Variants in DNM3 observed in about 807,000 individuals in gnomAD.
DNM3 encodes the protein dynamin-3.
DNM3 carries 47 observed loss-of-function variants against 101.6 expected under a neutral mutation model. The observed-to-expected ratio is 0.46, with a 90% CI of 0.37 to 0.59. The LOEUF is 0.59. DNM3 is among the 20% of genes least tolerant of loss of function. DNM3 has a pLI of 0.00. For synonymous variants in DNM3, 385 were observed against 387.9 expected (o/e 0.99, Z 0.09); for missense variants, 849 against 1,085.7 (o/e 0.78, Z 3.06).
chr1:172,407,930 C>T lies in DNM3; in HGVS notation c.*89C>T, dbSNP rs1255743777. Reference sequence around the variant, plus strand: ...CGTTGCAGTAAATCATGAGTAGTCGCATGTGTGGACATCAGTAGGCAAGTA... The same window carrying T: ...CGTTGCAGTAAATCATGAGTAGTCGTATGTGTGGACATCAGTAGGCAAGTA... On this transcript the variant is annotated 3_prime_UTR_variant, in exon 21 of 21. Coordinates refer to ENST00000627582, the MANE Select transcript of DNM3 (RefSeq NM_015569.5). 1 of 1,599,858 alleles carries T rather than the reference C, an allele frequency of 6.3e-7. No individual in the cohort carries two copies. The highest frequency in any genetic ancestry group is 1.3e-5 in the African/African-American group (1 of 74,672).
At chr1:172,193,334 G>C (rs1015266834) in intron 14 of DNM3, among the ~76,000 whole-genome samples, 7 of 152,070 alleles carry the variant, frequency 4.6e-5, no homozygotes, top group Admixed American at 4.6e-4. Flanking sequence ...ATTTTGTTGT[G>C]TCCCTGCCAG....
intron 1 of DNM3, among the ~76,000 whole-genome samples, chr1:171,900,229 A>T (rs1025010349): frequency 3.3e-5 from 5 of 152,244 alleles, no homozygotes; most frequent in Non-Finnish European, 7.3e-5. Flanking sequence ...TATTCAAATT[A>T]GGACACGATG....
chr1:172,198,971 G>T (rs1218413999), intron 14 of DNM3, among the ~76,000 whole-genome samples: 1 of 151,890 alleles, frequency 6.6e-6, no homozygotes, highest in East Asian at 1.9e-4. Context: ...ATTTGTTCTT[G>T]CTTCTCTAAT....
intron 4 of DNM3, among the ~76,000 whole-genome samples, chr1:172,024,768 G>A (rs1167977742): frequency 6.6e-6 from 1 of 152,238 alleles, no homozygotes; most frequent in African/African-American, 2.4e-5. Flanking sequence ...GTGCATTCCA[G>A]CTCAGATACT....
chr1:172,054,069 T>C (rs1372956601), intron 10 of DNM3, among the ~76,000 whole-genome samples: 1 of 152,212 alleles, frequency 6.6e-6, no homozygotes, highest in Non-Finnish European at 1.5e-5. Context: ...TCCAGCTATA[T>C]TGTAATTATA....
chr1:172,043,761 A>G (rs1381666610), intron 8 of DNM3, among the ~76,000 whole-genome samples: 1 of 152,164 alleles, frequency 6.6e-6, no homozygotes, highest in Non-Finnish European at 1.5e-5. Context: ...GGAGAGGCCA[A>G]ATCTCAGAGG....
chr1:172,291,967 G>T (rs973734722), intron 15 of DNM3, among the ~76,000 whole-genome samples: 1 of 152,098 alleles, frequency 6.6e-6, no homozygotes, highest in African/African-American at 2.4e-5. Context: ...CTAGAAGGAT[G>T]GGCCCAGACT....
Position 172,267,310 on chromosome 1 carries a change from A to G in DNM3, c.1769+13628A>G, listed in dbSNP as rs1388090634. 2.0e-5 allele frequency among the ~76,000 whole-genome samples: 3 copies of G among 152,228 alleles called. No homozygotes were observed. In the East Asian group the frequency reaches 5.8e-4, roughly 29 times the overall value. ...GGATGCAAAACTTTCCCCCTCTGTT[A>G]TATGGAGAAGATAGAAATAATGCCA... On this transcript the variant is annotated intron_variant, in intron 15 of 20. Transcript: ENST00000627582.
intron 17 of DNM3, among the ~76,000 whole-genome samples, chr1:172,370,977 G>A (rs905407141): frequency 5.9e-5 from 9 of 151,880 alleles, no homozygotes; most frequent in East Asian, 1.9e-4. Context: ...ATTTCAGAAC[G>A]AATAGAAGTG....
At chr1:172,065,301 G>T (rs936273187) in intron 10 of DNM3, among the ~76,000 whole-genome samples, 12 of 152,140 alleles carry the variant, frequency 7.9e-5, no homozygotes, top group African/African-American at 2.7e-4. Context: ...GACCTCAAAT[G>T]CTTGCGTAGT....
intron 17 of DNM3, among the ~76,000 whole-genome samples, chr1:172,327,579 G>C (rs994264481): frequency 6.6e-6 from 1 of 152,080 alleles, no homozygotes; most frequent in South Asian, 2.1e-4. Flanking sequence ...CATTTTCTTT[G>C]TATAATATTA....
intron 12 of DNM3, among the ~76,000 whole-genome samples, chr1:172,091,156 G>C (rs931809448): frequency 1.3e-5 from 2 of 152,150 alleles, no homozygotes; most frequent in African/African-American, 2.4e-5. Context: ...GGTTATAATG[G>C]CATCAACTTC....
Position 172,253,463 on chromosome 1 carries a change from G to C in DNM3, c.1660-110G>C, listed in dbSNP as rs964097956. The C allele has an allele frequency of 6.6e-6, 5 of 758,670 alleles. No individual in the cohort carries two copies. The Admixed American group carries it at 8.0e-5, about 12-fold the overall frequency. 47.0% of individuals were successfully genotyped at this position (758,670 alleles called of 1,614,324 possible). On this transcript the variant is annotated intron_variant, in intron 14 of 20. Transcript: ENST00000627582. Reference sequence around the variant, plus strand: ...ATGTGTTGCCATTGGCATGCCTCAAGATCTTTTATTAAAGTCAATTTTCTG... The same window carrying C: ...ATGTGTTGCCATTGGCATGCCTCAACATCTTTTATTAAAGTCAATTTTCTG...
intron 17 of DNM3, among the ~76,000 whole-genome samples, chr1:172,336,897 A>G (rs1380773336): frequency 6.6e-6 from 1 of 152,164 alleles, no homozygotes; most frequent in Non-Finnish European, 1.5e-5. Flanking sequence ...CATTAAATGG[A>G]GCTTGATGAC....
At chr1:172,123,039 G>T (rs1439847465) in intron 13 of DNM3, among the ~76,000 whole-genome samples, 4 of 152,136 alleles carry the variant, frequency 2.6e-5, no homozygotes, top group Non-Finnish European at 5.9e-5. Context: ...TTCTAAAAAT[G>T]GAGTCAAATT....
At chr1:172,132,916 A>C (rs897039950) in intron 14 of DNM3, 15 of 1,265,644 alleles carry the variant, frequency 1.2e-5, no homozygotes, top group African/African-American at 3.0e-5. Flanking sequence ...AGGATAACCA[A>C]CTTACCAAAG....
chr1:172,387,323 C>G lies in DNM3; in HGVS notation c.2249C>G (p.Pro750Arg). 1 of 1,613,818 alleles carries G rather than the reference C, an allele frequency of 6.2e-7. No homozygotes were observed. Among genetic ancestry groups the G allele is most frequent in the East Asian group, 2.2e-5 (1 of 44,842 alleles). Reference sequence around the variant, plus strand: ...GCCACCGTGTCCACTCCGGCACCCCCTCCAGTGGATGACTCCTGGATACAG... The same window carrying G: ...GCCACCGTGTCCACTCCGGCACCCCGTCCAGTGGATGACTCCTGGATACAG... The part of the protein sequence containing the change: ...STATVSTPAP[P>R]PVDDSWIQHS... The change falls in exon 19 of 21, where the codon CCT becomes CGT. Residue 750 changes from proline to arginine, a missense_variant. Coordinates refer to ENST00000627582, the MANE Select transcript of DNM3 (RefSeq NM_015569.5).
intron 14 of DNM3, among the ~76,000 whole-genome samples, chr1:172,189,246 CTCTT>C (rs1171794419): frequency 2.0e-5 from 3 of 152,010 alleles, no homozygotes; most frequent in Non-Finnish European, 4.4e-5. Context: ...ATACCATACT[CTCTT>C]TATTACTATA....
chr1:172,412,834 A>AGAAT (rs1166662991), downstream of DNM3: 21 of 776,558 alleles, frequency 2.7e-5, no homozygotes, highest in Non-Finnish European at 3.1e-5. Flanking sequence ...ACCAAAGTAA[A>AGAAT]GAATGATAGC....
Sources: allele counts gnomAD v4.1 joint callset (sites outside exome capture counted in the v4.1 genomes callset), GRCh38; gene constraint gnomAD v4.1.1; transcripts MANE v1.5; gene names NCBI Gene and HGNC (gene_info 2026-07-23, HGNC 2026-07-21).